TNKS2: variants seen among roughly 807,000 people sequenced by gnomAD.
The protein encoded by TNKS2 is poly [ADP-ribose] polymerase tankyrase-2.
In TNKS2, 72 loss-of-function variants were observed where a neutral mutation model predicts 137.6. The ratio of observed to expected loss-of-function variants is 0.52; its 90% CI spans 0.43 to 0.64. The LOEUF (loss-of-function observed/expected upper bound fraction) is 0.64. TNKS2 is among the 30% of genes least tolerant of loss of function. The probability of loss-of-function intolerance (pLI) is 0.00; values close to 1 mark genes in which losing one functional copy is unlikely to be tolerated. For synonymous variants in TNKS2, 516 were observed against 512.1 expected, an observed-to-expected ratio of 1.01 and a Z score of -0.10; for missense variants, 1,049 against 1,410.2, an observed-to-expected ratio of 0.74 and a Z score of 4.10.
chr10:91,842,454 A>C (rs1305457545), intron 16 of TNKS2, 63 bp downstream of exon 16: 2 of 1,495,082 alleles, frequency 1.3e-6, no homozygotes, highest in African/African-American at 2.8e-5. Flanking sequence ...TACCCAGGTA[A>C]AATATTTTCT....
At position 91,859,547 on chromosome 10, in the gene TNKS2, T is replaced by C. The variant is rs1283695049; in HGVS notation, c.3180T>C (p.Tyr1060=). The change falls in exon 25 of 27, where the codon TAT becomes TAC. Residue 1060 remains tyrosine, a synonymous_variant. Transcript: ENST00000371627. ...GTGGTATGTTTGGAGCTGGCATTTA[T>C]TTTGCTGAAAACTCTTCCAAAAGCA... ...YIGGMFGAGI[Y]FAENSSKSNQ... 6.2e-7 allele frequency: 1 copy of C among 1,614,100 alleles called. No individual in the cohort carries two copies. The highest frequency in any genetic ancestry group is 8.5e-7 in the Non-Finnish European group (1 of 1,179,976).
Position 91,819,250 on chromosome 10 carries a change from T to C in TNKS2, c.521-20T>C. 7.2e-7 allele frequency: 1 copy of C among 1,381,658 alleles called. No homozygotes were observed. 85.6% of individuals were successfully genotyped at this position (1,381,658 alleles called of 1,614,324 possible). A position where few individuals can be genotyped will look rare whatever the true frequency, so the allele number is the denominator to read the frequency against. Reference sequence around the variant, plus strand: ...TTTTTCTTTTTAATTTCTATACTTTTTTTTTTTTCTAATTCACAGGTGAAT... The same window carrying C: ...TTTTTCTTTTTAATTTCTATACTTTCTTTTTTTTCTAATTCACAGGTGAAT... On this transcript the variant is annotated intron_variant, in intron 3 of 26. Coordinates refer to ENST00000371627, the MANE Select transcript of TNKS2 (RefSeq NM_025235.4).
chr10:91,809,805 C>T (rs1053931319), intron 1 of TNKS2, among the ~76,000 whole-genome samples: 2 of 151,768 alleles, frequency 1.3e-5, no homozygotes, highest in Non-Finnish European at 2.9e-5. Flanking sequence ...GGTGATCTTT[C>T]TTTAAAGAAA....
Position 91,857,521 on chromosome 10 carries a change from C to T in TNKS2, c.3085C>T (p.Leu1029=), listed in dbSNP as rs768761603. The T allele has an allele frequency of 6.2e-7, 1 of 1,608,170 alleles. No individual in the cohort carries two copies. Among genetic ancestry groups the T allele is most frequent in the South Asian group, 1.1e-5 (1 of 90,414 alleles). The change falls in exon 24 of 27, where the codon CTA becomes TTA. Residue 1029 remains leucine, a synonymous_variant. Coordinates refer to ENST00000371627, the MANE Select transcript of TNKS2 (RefSeq NM_025235.4). Reference sequence around the variant, plus strand: ...CCACAACCATGCCAATGAACGAATGCTATTTCATGGTAAGATTCCTCCCCA... The same window carrying T: ...CCACAACCATGCCAATGAACGAATGTTATTTCATGGTAAGATTCCTCCCCA... ...ENHNHANERM[L]FHGSPFVNAI...
At chr10:91,850,588 G>A (rs767632895) in intron 20 of TNKS2, among the ~76,000 whole-genome samples, 7 of 150,534 alleles carry the variant, frequency 4.7e-5, no homozygotes, top group South Asian at 2.1e-4. Flanking sequence ...GCGTGGTGGC[G>A]GGCACCTGTA....
rs1468090161 is a variant in TNKS2 at position 91,864,239 on chromosome 10, TTGTGCACCATATGG to T, written c.*1243_*1256del. 2.0e-5 allele frequency: 3 copies of T among 152,598 alleles called. No individual in the cohort carries two copies. Among genetic ancestry groups the T allele is most frequent in the Non-Finnish European group, 4.4e-5 (3 of 68,018 alleles). The allele number at this position is 152,598 out of a possible 1,614,324, so 9.5% of individuals were successfully genotyped here. The stretch of plus-strand genomic sequence containing the variant: ...GCCCAATTGGAAATATGCTGTCAGT[TTGTGCACCATATGG>T]TGACCACGCCTGTGCTCAGTTTGGC... On this transcript the variant is annotated 3_prime_UTR_variant, in exon 27 of 27. Transcript: ENST00000371627.
chr10:91,855,599 C>T lies in TNKS2; in HGVS notation c.2914-15C>T, dbSNP rs774437402. ...AATGCTAATGCACATATATTTCAAA[C>T]CATTTTTCTGACAGATGCAAAGTAC... On this transcript the variant is annotated splice_polypyrimidine_tract_variant and intron_variant, in intron 22 of 26. Transcript: ENST00000371627. 13 of 1,604,280 alleles carry T rather than the reference C, an allele frequency of 8.1e-6. No individual in the cohort carries two copies. The East Asian group carries it at 2.7e-4, about 33-fold the overall frequency.
intron 13 of TNKS2, 134 bp from the exon 14 acceptor site, chr10:91,840,427 A>G (rs1282137327): frequency 1.3e-5 from 10 of 745,856 alleles, no homozygotes; most frequent in Non-Finnish European, 1.9e-5. Context: ...AGAATACTAA[A>G]TAGTTTCTGA....
intron 7 of TNKS2, among the ~76,000 whole-genome samples, chr10:91,823,067 A>G (rs1844952817): frequency 6.6e-6 from 1 of 151,700 alleles, no homozygotes; most frequent in Non-Finnish European, 1.5e-5. Flanking sequence ...AAAAAAAATA[A>G]TGTAGAATAG....
intron 16 of TNKS2, among the ~76,000 whole-genome samples, chr10:91,843,703 A>G (rs138905161): frequency 2.7e-4 from 41 of 152,338 alleles, no homozygotes; most frequent in African/African-American, 9.1e-4. Flanking sequence ...GAGTTCCATC[A>G]TAGACACAGC....
intron 2 of TNKS2, among the ~76,000 whole-genome samples, chr10:91,814,166 T>A (rs962830566): frequency 6.6e-6 from 1 of 152,174 alleles, no homozygotes; most frequent in South Asian, 2.1e-4. Flanking sequence ...TGGGAGAAGA[T>A]ATGGAGGTGG....
intron 7 of TNKS2, among the ~76,000 whole-genome samples, chr10:91,824,771 C>T (rs7917858): frequency 0.52 from 78,604 of 151,976 alleles, 20,776 homozygotes; most frequent in East Asian, 0.72. Flanking sequence ...GCTCTAAGCT[C>T]TGGGTGAAGC....
At chr10:91,848,309 A>G (rs1391799460) in intron 18 of TNKS2, 74 bp from the exon 19 acceptor site, 5 of 1,453,320 alleles carry the variant, frequency 3.4e-6, no homozygotes, top group Non-Finnish European at 3.7e-6. Context: ...TCATATTTTT[A>G]AATATATTTT....
chr10:91,819,596 G>A, intron 5 of TNKS2, 39 bp downstream of exon 5: 1 of 1,427,084 alleles, frequency 7.0e-7, no homozygotes, highest in Non-Finnish European at 9.6e-7. Context: ...TTATCTCCTG[G>A]TAACATGAAG....
intron 1 of TNKS2, among the ~76,000 whole-genome samples, chr10:91,807,649 G>A (rs1844369509): frequency 6.6e-6 from 1 of 152,162 alleles, no homozygotes; most frequent in Admixed American, 6.5e-5. Context: ...AGGATGCTGG[G>A]GAAGTAGTGA....
At chr10:91,824,162 T>C (rs1374259869) in intron 7 of TNKS2, among the ~76,000 whole-genome samples, 2 of 152,130 alleles carry the variant, frequency 1.3e-5, no homozygotes, top group Non-Finnish European at 2.9e-5. Context: ...GTGTAAGTAG[T>C]TACCAGGATA....
chr10:91,859,715 G>A, intron 25 of TNKS2, 67 bp downstream of exon 25: 2 of 1,361,632 alleles, frequency 1.5e-6, no homozygotes, highest in Non-Finnish European at 2.0e-6. Context: ...ATTTTTGAGG[G>A]CAAAGCATTA....
chr10:91,842,833 G>A (rs1842255257), intron 16 of TNKS2, among the ~76,000 whole-genome samples: 1 of 152,162 alleles, frequency 6.6e-6, no homozygotes, highest in Non-Finnish European at 1.5e-5. Flanking sequence ...ACTCTTCAGT[G>A]TATTTGTACA....
At chr10:91,832,545 C>T (rs980359507) in intron 11 of TNKS2, among the ~76,000 whole-genome samples, 4 of 151,576 alleles carry the variant, frequency 2.6e-5, no homozygotes, top group African/African-American at 7.3e-5. Flanking sequence ...TTTGATTGTC[C>T]TAAGCATTTT....
Sources: gnomAD v4.1 joint callset for allele counts (sites outside exome capture counted in the v4.1 genomes callset) on GRCh38, gnomAD v4.1.1 for gene constraint, MANE v1.5 for transcripts, NCBI Gene and HGNC (gene_info 2026-07-23, HGNC 2026-07-21) for gene names.